ABAT: variants seen among roughly 807,000 people sequenced by gnomAD.
ABAT encodes the protein 4-aminobutyrate aminotransferase, mitochondrial.
A neutral mutation model predicts 64.6 loss-of-function variants in ABAT; 45 were observed. The ratio of observed to expected loss-of-function variants is 0.70; its 90% CI spans 0.55 to 0.89. The LOEUF is 0.89. Ranked by LOEUF, ABAT falls within the 40% of genes least tolerant of loss-of-function variation. ABAT has a pLI of 0.00. For missense variants in ABAT, 633 were observed against 658.4 expected (o/e 0.96, Z 0.42); for synonymous variants, 297 against 250.5 (o/e 1.19, Z -1.75).
intron 14 of ABAT, among the ~76,000 whole-genome samples, chr16:8,778,341 G>A (rs1312189533): frequency 6.6e-6 from 1 of 152,148 alleles, no homozygotes; most frequent in African/African-American, 2.4e-5. Context: ...TCTGTTCCAT[G>A]CCCCTCTCCA....
chr16:8,774,596 A>C (rs958546746), intron 12 of ABAT, among the ~76,000 whole-genome samples: 5 of 152,172 alleles, frequency 3.3e-5, no homozygotes, highest in African/African-American at 7.2e-5. Flanking sequence ...GACTGAAGCC[A>C]GATGACATAC....
intron 5 of ABAT, among the ~76,000 whole-genome samples, chr16:8,750,975 G>A (rs1352138063): frequency 1.6e-5 from 2 of 125,336 alleles, no homozygotes; most frequent in African/African-American, 3.1e-5. Flanking sequence ...TCCAGACGAA[G>A]TCTTGTTCTG....
rs532269694 is a variant in ABAT at position 8,674,701 on chromosome 16, G to A, written c.-52G>A. 6.6e-6 allele frequency: 1 copy of A among 152,270 alleles called. No individual in the cohort carries two copies. The highest frequency in any genetic ancestry group is 6.5e-5 in the Admixed American group (1 of 15,294). The allele number at this position is 152,270 out of a possible 1,614,324, so 9.4% of individuals were successfully genotyped here. A position where few individuals can be genotyped will look rare whatever the true frequency, so the allele number is the denominator to read the frequency against. On this transcript the variant is annotated 5_prime_UTR_variant, in exon 1 of 16. Transcript: ENST00000268251. ...GGATCGGATCCCGCAGATCGGAGAC[G>A]GGGCCTGGAGGTGAGCGCGAGGCGC...
intron 1 of ABAT, among the ~76,000 whole-genome samples, chr16:8,699,228 A>G (rs918452792): frequency 1.3e-5 from 2 of 152,178 alleles, no homozygotes; most frequent in African/African-American, 4.8e-5. Context: ...GAGGGAAGAG[A>G]TTGGGGAGGG....
At chr16:8,717,821 C>CT (rs113050215) in intron 1 of ABAT, among the ~76,000 whole-genome samples, 3,511 of 147,594 alleles carry the variant, frequency 0.024, 74 homozygotes, top group South Asian at 0.075. Flanking sequence ...CAAATCACCT[C>CT]TTTTTTTTTT....
chr16:8,737,969 G>A (rs376629889), intron 2 of ABAT, among the ~76,000 whole-genome samples: 1 of 3,716 alleles, frequency 2.7e-4, no homozygotes, highest in Non-Finnish European at 5.2e-4. Context: ...AGGAAGGAAG[G>A]AAGGAAGGAA....
intron 1 of ABAT, among the ~76,000 whole-genome samples, chr16:8,682,742 C>G (rs1235157038): frequency 6.6e-6 from 1 of 152,176 alleles, no homozygotes; most frequent in Non-Finnish European, 1.5e-5. Flanking sequence ...ACTGAGAATT[C>G]CTTCAAAGGT....
intron 1 of ABAT, among the ~76,000 whole-genome samples, chr16:8,691,133 G>C (rs1470496919): frequency 6.6e-6 from 1 of 151,948 alleles, no homozygotes; most frequent in African/African-American, 2.4e-5. Context: ...TTGGCACATA[G>C]CTTGATGCTA....
intron 1 of ABAT, among the ~76,000 whole-genome samples, chr16:8,691,789 G>C (rs914125503): frequency 4.6e-5 from 7 of 152,174 alleles, no homozygotes; most frequent in African/African-American, 1.7e-4. Context: ...TGTTACAACT[G>C]GTGGGGGAAT....
chr16:8,680,425 T>C (rs1182522955), intron 1 of ABAT, among the ~76,000 whole-genome samples: 26 of 152,190 alleles, frequency 1.7e-4, no homozygotes, highest in Admixed American at 1.6e-3. Context: ...ATTTTATTTT[T>C]ATGTATTTTT....
At chr16:8,743,308 A>G (rs1056162857) in intron 2 of ABAT, among the ~76,000 whole-genome samples, 94 of 85,764 alleles carry the variant, frequency 1.1e-3, no homozygotes, top group African/African-American at 4.6e-3. Flanking sequence ...AGCTATCTGC[A>G]TGTGTGTCTC....
In ABAT at chr16:8,776,545, TC is replaced by T. The variant is rs2060269018; in HGVS notation, c.1269+57del. 1.3e-6 allele frequency: 2 copies of T among 1,487,692 alleles called. No homozygotes were observed. The highest frequency in any genetic ancestry group is 1.4e-5 in the African/African-American group (1 of 70,076). 92.2% of individuals were successfully genotyped at this position (1,487,692 alleles called of 1,614,324 possible). On this transcript the variant is annotated intron_variant, in intron 14 of 15. Coordinates refer to ENST00000268251, the MANE Select transcript of ABAT (RefSeq NM_020686.6). The surrounding 1 kb of genome is among the most constrained non-coding windows in gnomAD (Gnocchi z 4.4). The stretch of plus-strand genomic sequence containing the variant: ...CCACCCATGGCTCCCCGCAGCAGCC[TC>T]CGGGGCAACACTGGAGCTCTTCGGC...
intron 6 of ABAT, among the ~76,000 whole-genome samples, chr16:8,761,229 G>A (rs186310233): frequency 9.2e-4 from 116 of 126,626 alleles, no homozygotes; most frequent in African/African-American, 2.1e-3. Context: ...CTCTCACCTC[G>A]TCAGGGACTG....
At chr16:8,724,824 T>A (rs984762123) in intron 1 of ABAT, among the ~76,000 whole-genome samples, 3 of 149,854 alleles carry the variant, frequency 2.0e-5, no homozygotes, top group Non-Finnish European at 4.4e-5. Flanking sequence ...GAAGAATAAG[T>A]CTGTGTGATC....
intron 1 of ABAT, among the ~76,000 whole-genome samples, chr16:8,696,433 G>A (rs2057703762): frequency 6.6e-6 from 1 of 152,140 alleles, no homozygotes; most frequent in South Asian, 2.1e-4. Flanking sequence ...GACCAGCATG[G>A]CCAACATGAT....
chr16:8,725,066 G>A (rs1241195987), intron 1 of ABAT, among the ~76,000 whole-genome samples: 1 of 152,034 alleles, frequency 6.6e-6, no homozygotes, highest in African/African-American at 2.4e-5. Flanking sequence ...ACAGGCGCCT[G>A]CCACCACGCC....
chr16:8,728,585 AAG>A (rs2058626326), intron 1 of ABAT, among the ~76,000 whole-genome samples: 1 of 152,198 alleles, frequency 6.6e-6, no homozygotes, highest in African/African-American at 2.4e-5. Context: ...TTATTAAGAA[AAG>A]AGTTTGGGCC....
chr16:8,729,208 G>A (rs1433066722), intron 1 of ABAT, among the ~76,000 whole-genome samples: 1 of 152,022 alleles, frequency 6.6e-6, no homozygotes, highest in African/African-American at 2.4e-5. Flanking sequence ...CTTGGGAGGT[G>A]GCAGGATGGC....
intron 5 of ABAT, among the ~76,000 whole-genome samples, chr16:8,751,960 GT>G (rs2142747708): frequency 6.6e-6 from 1 of 152,328 alleles, no homozygotes; most frequent in South Asian, 2.1e-4. Flanking sequence ...GCTACATTGA[GT>G]AGTCCATAGG....
Sources: gnomAD v4.1 joint callset for allele counts (sites outside exome capture counted in the v4.1 genomes callset) on GRCh38, gnomAD v4.1.1 for gene constraint, Gnocchi (gnomAD v3.1) non-coding constraint, MANE v1.5 for transcripts, NCBI Gene and HGNC (gene_info 2026-07-23, HGNC 2026-07-21) for gene names.